Variants in TENM2 observed in about 807,000 individuals in gnomAD.
TENM2 encodes teneurin transmembrane protein 2.
TENM2 carries 52 observed loss-of-function variants against 245.2 expected under a neutral mutation model. The ratio of observed to expected loss-of-function variants is 0.21; its 90% CI spans 0.17 to 0.27. The LOEUF is 0.27. Ranked by LOEUF, TENM2 falls within the 10% of genes least tolerant of loss-of-function variation. The pLI is 1.00. For synonymous variants in TENM2, 1,363 were observed against 1,438.9 expected (o/e 0.95, Z 1.19); for missense variants, 3,046 against 3,666.8 (o/e 0.83, Z 4.37).
chr5:167,788,766 C>G (rs566375199), intron 2 of TENM2, among the ~76,000 whole-genome samples: 4 of 152,194 alleles, frequency 2.6e-5, no homozygotes, highest in African/African-American at 9.6e-5. Context: ...ATTTAGGGCT[C>G]TTCCTTAGAT....
the TENM2 span, among the ~76,000 whole-genome samples, chr5:167,023,361 C>A: frequency 1.7e-4 from 26 of 152,308 alleles, 1 homozygote; most frequent in East Asian, 7.7e-4. Flanking sequence ...GTATTGCTCA[C>A]ATTATACCTG....
chr5:166,988,624 T>A, the TENM2 span, among the ~76,000 whole-genome samples: 1 of 152,204 alleles, frequency 6.6e-6, no homozygotes, highest in Admixed American at 6.5e-5. Context: ...CTAACGTAGG[T>A]GGAAAAGAAA....
At chr5:167,859,154 C>T (rs1177847963) in intron 2 of TENM2, among the ~76,000 whole-genome samples, 25 of 98,184 alleles carry the variant, frequency 2.5e-4, no homozygotes, top group Non-Finnish European at 3.2e-4. Flanking sequence ...CGCCTCTGCC[C>T]GGCCGAGACC....
intron 6 of TENM2, among the ~76,000 whole-genome samples, chr5:168,060,845 A>T (rs1381789784): frequency 6.6e-6 from 1 of 152,204 alleles, no homozygotes; most frequent in Non-Finnish European, 1.5e-5. Context: ...ACAGTGTCAG[A>T]CAGGCTCGCT....
chr5:167,959,641 G>A (rs556941233), intron 4 of TENM2, among the ~76,000 whole-genome samples: 1 of 152,224 alleles, frequency 6.6e-6, no homozygotes, highest in East Asian at 1.9e-4. Context: ...CATTGGGTCA[G>A]AACATGCTCC....
At chr5:168,118,227 A>T in intron 9 of TENM2, 65 bp from the exon 12 acceptor site, 1 of 1,339,196 alleles carries the variant, frequency 7.5e-7, no homozygotes, top group South Asian at 1.9e-5. Context: ...CTACCTCCTT[A>T]GACTGCCATA....
At chr5:167,235,404 C>T in the TENM2 span, among the ~76,000 whole-genome samples, 3 of 152,154 alleles carry the variant, frequency 2.0e-5, no homozygotes, top group African/African-American at 7.2e-5. Context: ...TGTGTTCTCA[C>T]ATGCGCAGCT....
intron 2 of TENM2, among the ~76,000 whole-genome samples, chr5:167,850,493 CAG>C (rs1461355594): frequency 6.6e-6 from 1 of 152,108 alleles, no homozygotes; most frequent in African/African-American, 2.4e-5. Context: ...GAATATAAGG[CAG>C]AGAGAGAAGA....
Position 167,790,113 on chromosome 5 carries a change from CT to C in TENM2, c.503-85863del, listed in dbSNP as rs566540957. ...ATTAACAGACAAAATAAAAAGCAGA[CT>C]TTTTTTTTTAAAGATATGATGGAGC... On this transcript the variant is annotated intron_variant, in intron 2 of 28. Transcript: ENST00000518659. Among the ~76,000 whole-genome samples, 27 of 149,272 alleles carry C rather than the reference CT, an allele frequency of 1.8e-4. 1 individual carries two copies. The highest frequency in any genetic ancestry group is 4.4e-4 in the African/African-American group (18 of 40,720).
chr5:168,133,298 T>A (rs576028925), intron 12 of TENM2, among the ~76,000 whole-genome samples: 1 of 152,220 alleles, frequency 6.6e-6, no homozygotes, highest in South Asian at 2.1e-4. Context: ...AAGTAGGTAG[T>A]GATATTAGGC....
In TENM2 at chr5:167,522,144, C is replaced by T. The variant is rs560937129; in HGVS notation, c.502+146671C>T. Among the ~76,000 whole-genome samples, 3 of 152,230 alleles carry T rather than the reference C, an allele frequency of 2.0e-5. 1 individual carries two copies. The South Asian group carries it at 6.2e-4, about 32-fold the overall frequency. ...TATCCCTACTCTTTAATGTATTCAA[C>T]ACTACTTATATCATGACAAGACCTT... On this transcript the variant is annotated intron_variant, in intron 2 of 28. Coordinates refer to ENST00000518659, the Ensembl canonical transcript of TENM2.
chr5:167,184,182 G>A, the TENM2 span, among the ~76,000 whole-genome samples: 29 of 152,114 alleles, frequency 1.9e-4, no homozygotes, highest in African/African-American at 6.5e-4. Context: ...TTCTTAGCTC[G>A]GAATATATTT....
At chr5:167,807,624 T>A (rs1361555970) in intron 2 of TENM2, among the ~76,000 whole-genome samples, 27 of 149,632 alleles carry the variant, frequency 1.8e-4, no homozygotes, top group African/African-American at 6.1e-4. Context: ...GCATTTTTTT[T>A]AAAAAAAAAA....
At chr5:167,552,725 A>G (rs368711501) in intron 2 of TENM2, among the ~76,000 whole-genome samples, 3 of 152,298 alleles carry the variant, frequency 2.0e-5, no homozygotes, top group East Asian at 1.9e-4. Flanking sequence ...TGTTGCGTAT[A>G]TGACTGAGAT....
chr5:168,179,134 GAAAAAA>G (rs35502066), intron 13 of TENM2, among the ~76,000 whole-genome samples: 19 of 99,936 alleles, frequency 1.9e-4, no homozygotes, highest in East Asian at 3.0e-4. Context: ...GACTCTGCCT[GAAAAAA>G]AAAAAAAAAA....
chr5:167,413,762 C>A (rs1310503159), intron 2 of TENM2, among the ~76,000 whole-genome samples: 3 of 152,052 alleles, frequency 2.0e-5, no homozygotes, highest in Non-Finnish European at 2.9e-5. Flanking sequence ...TAACAGAGTG[C>A]AATTCTAAAT....
the TENM2 span, among the ~76,000 whole-genome samples, chr5:167,151,159 A>G: frequency 6.6e-6 from 1 of 152,208 alleles, no homozygotes; most frequent in Non-Finnish European, 1.5e-5. Flanking sequence ...GATTGGGAGG[A>G]CAGACTAATA....
rs1767099483 is a variant in TENM2, at chr5:167,816,866, G to T, written c.503-59120G>T. 2.0e-5 allele frequency among the ~76,000 whole-genome samples: 3 copies of T among 152,108 alleles called. No homozygotes were observed. In the South Asian group the frequency reaches 6.2e-4, roughly 32 times the overall value. On this transcript the variant is annotated intron_variant, in intron 2 of 28. Transcript: ENST00000518659. ...TAAGGCAAGAAATGTTCAACTTATT[G>T]CTGGCTCTACCATTAGTATGTACCA...
chr5:167,353,255 AAAAG>A (rs1759047119), intron 1 of TENM2, among the ~76,000 whole-genome samples: 1 of 150,610 alleles, frequency 6.6e-6, no homozygotes, highest in Admixed American at 6.7e-5. Flanking sequence ...TAAACTATAA[AAAAG>A]GGATAAATGG....
Sources: gnomAD v4.1 joint callset for allele counts (sites outside exome capture counted in the v4.1 genomes callset) on GRCh38, gnomAD v4.1.1 for gene constraint, MANE v1.5 for transcripts, NCBI Gene and HGNC (gene_info 2026-07-23, HGNC 2026-07-21) for gene names.